The following DNAI4 variants were observed in gnomAD, a reference collection of about 807,000 sequenced individuals.
DNAI4 encodes the protein dynein axonemal intermediate chain 4, also known as WD repeat domain 78.
A neutral mutation model predicts 105.8 loss-of-function variants in DNAI4; 85 were observed. The observed-to-expected ratio is 0.80, with a 90% confidence interval of 0.67 to 0.96. DNAI4 has a LOEUF of 0.96. Ranked by LOEUF, DNAI4 falls within the 40% of genes least tolerant of loss-of-function variation. The pLI is 0.00. For missense variants in DNAI4, 1,014 were observed against 1,005.6 expected (o/e 1.01, Z -0.11); for synonymous variants, 352 against 331.5 (o/e 1.06, Z -0.67).
intron 14 of DNAI4, 37 bp downstream of exon 14, chr1:66,827,775 C>A: frequency 1.6e-6 from 2 of 1,265,088 alleles, no homozygotes; most frequent in South Asian, 1.5e-5. Context: ...TTCAGAAATA[C>A]AAAATAAATG....
intron 10 of DNAI4, among the ~76,000 whole-genome samples, chr1:66,837,380 A>AAAC (rs1553213132): frequency 1.3e-5 from 2 of 151,690 alleles, no homozygotes; most frequent in African/African-American, 4.8e-5. Flanking sequence ...AAAAAAAAAA[A>AAAC]AAAACATAAT....
intron 3 of DNAI4, among the ~76,000 whole-genome samples, chr1:66,892,346 G>A (rs1243443551): frequency 6.6e-6 from 1 of 152,118 alleles, no homozygotes; most frequent in Admixed American, 6.5e-5. Flanking sequence ...ACAGAGATTT[G>A]CATGGGAGAG....
chr1:66,909,474 T>C (rs530163408), intron 1 of DNAI4, among the ~76,000 whole-genome samples: 3 of 151,962 alleles, frequency 2.0e-5, no homozygotes, highest in South Asian at 4.2e-4. Flanking sequence ...GACCCAGCTG[T>C]TTATTCTTTT....
chr1:66,859,711 A>G (rs1646584423), intron 7 of DNAI4, among the ~76,000 whole-genome samples: 2 of 152,204 alleles, frequency 1.3e-5, no homozygotes, highest in South Asian at 2.1e-4. Flanking sequence ...AAGGTTACAC[A>G]TATTGTATGA....
intron 1 of DNAI4, among the ~76,000 whole-genome samples, chr1:66,919,542 G>T (rs1031951973): frequency 1.3e-5 from 2 of 152,104 alleles, no homozygotes; most frequent in African/African-American, 4.8e-5. Flanking sequence ...AAAATATTCT[G>T]GGGATCCCAT....
At chr1:66,859,147 G>A (rs945442999) in intron 7 of DNAI4, among the ~76,000 whole-genome samples, 1 of 151,802 alleles carries the variant, frequency 6.6e-6, no homozygotes, top group Admixed American at 6.6e-5. Flanking sequence ...AAAACAAACA[G>A]CCAAATTTTT....
chr1:66,868,796 G>A (rs1031703047), intron 6 of DNAI4, among the ~76,000 whole-genome samples: 4 of 151,822 alleles, frequency 2.6e-5, no homozygotes, highest in African/African-American at 9.7e-5. Flanking sequence ...ACTATAAATT[G>A]GCCAGGCACA....
chr1:66,866,805 C>A (rs924874955), intron 6 of DNAI4, among the ~76,000 whole-genome samples: 2 of 152,114 alleles, frequency 1.3e-5, no homozygotes, highest in African/African-American at 4.8e-5. Flanking sequence ...AGTCCATTTT[C>A]ATGTGGCTAT....
At position 66,822,381 on chromosome 1, in the gene DNAI4, TA is replaced by T; in HGVS notation, c.2475del (p.Thr826LeufsTer10). ...CTTACCCGGCCAGTTTCCAAAACAG[TA>T]GGCATATTTCTCAGTTCATACACAG... ...QVSVYELRNMPTVLETGRGDI... is the reference protein window; with the variant it reads ...QVSVYELRNMXTVLETGRGDI... On this transcript the variant is annotated frameshift_variant, in exon 16 of 17. Coordinates refer to ENST00000371026, the MANE Select transcript of DNAI4 (RefSeq NM_024763.5). LOFTEE classifies it high-confidence loss of function. The T allele has an allele frequency of 6.2e-7, 1 of 1,606,868 alleles. No homozygotes were observed. The highest frequency in any genetic ancestry group is 8.5e-7 in the Non-Finnish European group (1 of 1,177,890).
At chr1:66,835,135 G>A (rs1277537359) in intron 11 of DNAI4, among the ~76,000 whole-genome samples, 2 of 151,988 alleles carry the variant, frequency 1.3e-5, no homozygotes, top group East Asian at 1.9e-4. Context: ...ACATGCTGAT[G>A]ACAGAAAGGT....
At chr1:66,875,407 T>C (rs1328748658) in intron 4 of DNAI4, among the ~76,000 whole-genome samples, 1 of 152,166 alleles carries the variant, frequency 6.6e-6, no homozygotes, top group African/African-American at 2.4e-5. Context: ...ATTCCACCTC[T>C]AATCATCTTC....
chr1:66,839,347 T>C (rs1646098809), intron 9 of DNAI4, among the ~76,000 whole-genome samples: 2 of 152,186 alleles, frequency 1.3e-5, no homozygotes, highest in Admixed American at 1.3e-4. Context: ...ATAAATTCAT[T>C]ATAAAAGTAC....
chr1:66,891,063 A>G, intron 4 of DNAI4, 91 bp downstream of exon 4: 2 of 1,002,614 alleles, frequency 2.0e-6, no homozygotes, highest in Non-Finnish European at 3.2e-6. Context: ...AATCATTACC[A>G]TATTTCTTTT....
At position 66,892,988 on chromosome 1, in the gene DNAI4, A is replaced by AGAG. The variant is rs1647841690; in HGVS notation, c.530+240_530+241insCTC. On this transcript the variant is annotated intron_variant, in intron 3 of 16. Coordinates refer to ENST00000371026, the MANE Select transcript of DNAI4 (RefSeq NM_024763.5). ...AAGAAAGAAAGAAAGAAAGAAAGAA[A>AGAG]GAAAGAAAGAGAGAAAGAGAGAGAG... is the stretch of plus-strand genomic sequence containing the variant. Among the ~76,000 whole-genome samples, 19 of 124,052 alleles carry AGAG rather than the reference A, an allele frequency of 1.5e-4. 1 individual carries two copies. The highest frequency in any genetic ancestry group is 3.5e-4 in the African/African-American group (10 of 28,728). The allele number at this position is 124,052 out of a possible 152,430, so 81.4% of individuals were successfully genotyped here.
At chr1:66,879,915 A>G (rs189405595) in intron 4 of DNAI4, among the ~76,000 whole-genome samples, 1 of 151,026 alleles carries the variant, frequency 6.6e-6, no homozygotes, top group East Asian at 1.9e-4. Context: ...CTCATCTTGA[A>G]TTGTAACTCC....
chr1:66,864,329 T>C (rs1646686930), intron 6 of DNAI4, among the ~76,000 whole-genome samples: 1 of 152,330 alleles, frequency 6.6e-6, no homozygotes, highest in South Asian at 2.1e-4. Flanking sequence ...TTCCCAATTT[T>C]ATAATTATAT....
intron 16 of DNAI4, among the ~76,000 whole-genome samples, chr1:66,819,619 C>G (rs957906219): frequency 6.6e-6 from 1 of 151,818 alleles, no homozygotes; most frequent in East Asian, 1.9e-4. Context: ...AATAAGTGTA[C>G]GAAATACTGC....
At chr1:66,842,007 C>A (rs984323368) in intron 8 of DNAI4, among the ~76,000 whole-genome samples, 1 of 152,186 alleles carries the variant, frequency 6.6e-6, no homozygotes, top group Admixed American at 6.5e-5. Context: ...GGTCCCTCGT[C>A]CCTGGAAACT....
Position 66,833,625 on chromosome 1 carries a change from G to C in DNAI4, c.1973C>G (p.Ser658Cys). ...AAAACACATTCCAGGAGCCTGTCGA[G>C]ATATCAAAGCTTCATCTTTCTTTTC... ...EKEKKDEALI[S>C]RQAPGMCFAF... The change falls in exon 13 of 17, where the codon TCT becomes TGT. Residue 658 changes from serine to cysteine, a missense_variant. Transcript: ENST00000371026. The C allele has an allele frequency of 6.2e-7, 1 of 1,613,384 alleles. No homozygotes were observed. The highest frequency in any genetic ancestry group is 8.5e-7 in the Non-Finnish European group (1 of 1,179,590).
Sources: gnomAD v4.1 joint callset for allele counts (sites outside exome capture counted in the v4.1 genomes callset) on GRCh38, gnomAD v4.1.1 for gene constraint, MANE v1.5 for transcripts, NCBI Gene and HGNC (gene_info 2026-07-23, HGNC 2026-07-21) for gene names.